Variants in ELOC observed in about 807,000 individuals in gnomAD.
ELOC encodes elongin-C.
For missense variants in ELOC, 38 were observed against 139.0 expected (o/e 0.27, Z 3.65); for synonymous variants, 40 against 51.3 (o/e 0.78, Z 0.94).
intron 1 of ELOC, among the ~76,000 whole-genome samples, chr8:73,966,192 C>T (rs772738543): frequency 1.9e-4 from 29 of 151,998 alleles, no homozygotes; most frequent in East Asian, 5.8e-4. Context: ...ACATTCCAAC[C>T]TAATGGGAAG....
chr8:73,968,825 AACT>A (rs1466578709), intron 1 of ELOC, among the ~76,000 whole-genome samples: 1 of 152,196 alleles, frequency 6.6e-6, no homozygotes, highest in Non-Finnish European at 1.5e-5. Flanking sequence ...ATCAAATTTC[AACT>A]ACTTCACTTG....
intron 3 of ELOC, among the ~76,000 whole-genome samples, chr8:73,955,299 T>C (rs1017204352): frequency 2.0e-5 from 3 of 151,860 alleles, no homozygotes; most frequent in Non-Finnish European, 2.9e-5. Flanking sequence ...TGAAACCCCA[T>C]CTCTACTAAA....
chr8:73,955,734 C>T, intron 3 of ELOC, 177 bp downstream of exon 3: 1 of 753,770 alleles, frequency 1.3e-6, no homozygotes, highest in Non-Finnish European at 2.2e-6. Flanking sequence ...CATTGCACTC[C>T]AGCCTGGGCA....
In ELOC at chr8:73,949,225, G is replaced by A. The variant is rs542249049; in HGVS notation, c.149-2405C>T. Among the ~76,000 whole-genome samples the A allele has an allele frequency of 2.6e-5, 4 of 152,294 alleles. No individual in the cohort carries two copies. In the South Asian group the frequency reaches 8.3e-4, roughly 32 times the overall value. On this transcript the variant is annotated intron_variant, in intron 3 of 3. Transcript: ENST00000520242. ...TATATCTGTTGGTTGGGGGTATACT[G>A]TAGCAGGGAGAAAGGAGTACTGCGG...
chr8:73,946,889 T>A, intron 3 of ELOC, 69 bp from the exon 4 acceptor site: 1 of 1,297,614 alleles, frequency 7.7e-7, no homozygotes, highest in Non-Finnish European at 1.1e-6. Flanking sequence ...GTTGAAGTCT[T>A]AACCCCTTGT....
intron 3 of ELOC, among the ~76,000 whole-genome samples, chr8:73,951,637 C>CA (rs574155762): frequency 8.2e-5 from 11 of 133,762 alleles, no homozygotes; most frequent in Non-Finnish European, 1.7e-4. Flanking sequence ...AACAAACAAA[C>CA]AAAAAACCCC....
chr8:73,950,117 C>T (rs937295921), intron 3 of ELOC, among the ~76,000 whole-genome samples: 22 of 152,080 alleles, frequency 1.4e-4, no homozygotes, highest in Non-Finnish European at 8.8e-5. Flanking sequence ...CAGCTGTTTT[C>T]GGGATCGGGG....
In ELOC at chr8:73,956,038, G is replaced by C; in HGVS notation, c.21C>G (p.Thr7=). ...CATCAGGTCCTTCACAGCCACCATA[G>C]GTTTTCTCCTCTCCATCTAAAGTAA... The part of the protein sequence containing the change: MDGEEK[T]YGGCEGPDAM... Residue 7 remains threonine (T), a synonymous_variant, in exon 3 of 4, where the codon ACC becomes ACG. Transcript: ENST00000520242. 1.2e-6 allele frequency: 2 copies of C among 1,612,536 alleles called. No homozygotes were observed. Among genetic ancestry groups the C allele is most frequent in the Non-Finnish European group, 1.7e-6 (2 of 1,178,980 alleles).
At chr8:73,955,750 A>T (rs1251270883) in intron 3 of ELOC, 161 bp downstream of exon 3, 2 of 851,632 alleles carry the variant, frequency 2.3e-6, no homozygotes, top group East Asian at 5.5e-5. Flanking sequence ...GGGCAACAGA[A>T]TGAGACTCTG....
chr8:73,959,717 G>A (rs1814463881), intron 2 of ELOC, 48 bp downstream of exon 2: 2 of 1,477,256 alleles, frequency 1.4e-6, no homozygotes, highest in African/African-American at 2.9e-5. Context: ...TTGAAACAAA[G>A]TCCAGTTTCT....
At chr8:73,965,019 C>A in intron 1 of ELOC, among the ~76,000 whole-genome samples, 1 of 121,582 alleles carries the variant, frequency 8.2e-6, no homozygotes. Context: ...GAGTAAGACA[C>A]TGTCTCAAAA....
chr8:73,953,563 T>C (rs1813921733), intron 3 of ELOC, among the ~76,000 whole-genome samples: 1 of 141,638 alleles, frequency 7.1e-6, no homozygotes, highest in Non-Finnish European at 1.5e-5. Context: ...TAATCACAGC[T>C]GCAGGAGAAT....
At chr8:73,947,477 C>CT (rs1813455281) in intron 3 of ELOC, among the ~76,000 whole-genome samples, 1 of 152,160 alleles carries the variant, frequency 6.6e-6, no homozygotes, top group Admixed American at 6.5e-5. Flanking sequence ...AGGGGTGGTA[C>CT]TTTGTTATGG....
intron 1 of ELOC, chr8:73,964,355 A>C (rs547513892): frequency 1.3e-5 from 2 of 152,268 alleles, no homozygotes; most frequent in Non-Finnish European, 2.9e-5. Flanking sequence ...CAACAAAGGA[A>C]GCTGGAACAA....
chr8:73,948,841 A>AAGCC (rs1813562160), intron 3 of ELOC, among the ~76,000 whole-genome samples: 1 of 83,614 alleles, frequency 1.2e-5, no homozygotes, highest in African/African-American at 3.8e-5. Context: ...ACTCACAAGC[A>AAGCC]AGCAAGCAAG....
intron 3 of ELOC, among the ~76,000 whole-genome samples, chr8:73,948,478 T>A (rs1813527608): frequency 6.6e-6 from 1 of 151,976 alleles, no homozygotes; most frequent in African/African-American, 2.4e-5. Context: ...AGTGAATATA[T>A]AAAATCACCT....
At chr8:73,962,581 A>AG (rs1188465247) in intron 1 of ELOC, among the ~76,000 whole-genome samples, 1 of 152,094 alleles carries the variant, frequency 6.6e-6, no homozygotes, top group Non-Finnish European at 1.5e-5. Context: ...AAAACAAAAA[A>AG]AAAAACAAAA....
chr8:73,947,895 C>G (rs934065227), intron 3 of ELOC, among the ~76,000 whole-genome samples: 2 of 152,098 alleles, frequency 1.3e-5, no homozygotes, highest in African/African-American at 2.4e-5. Flanking sequence ...AAAACCTTTA[C>G]TAAAATAGTA....
intron 3 of ELOC, among the ~76,000 whole-genome samples, chr8:73,949,776 T>A (rs1369178535): frequency 6.6e-6 from 1 of 152,230 alleles, no homozygotes; most frequent in African/African-American, 2.4e-5. Context: ...GAATGTTTTC[T>A]GATCTTTCCA....
Sources: allele counts gnomAD v4.1 joint callset (sites outside exome capture counted in the v4.1 genomes callset), GRCh38; gene constraint gnomAD v4.1.1; transcripts MANE v1.5; gene names NCBI Gene and HGNC (gene_info 2026-07-23, HGNC 2026-07-21).